Variants in IL15 observed in about 807,000 individuals in gnomAD.
IL15 encodes interleukin-15.
Under a neutral mutation model 19.6 loss-of-function variants are expected in IL15, and 11 were observed. The observed-to-expected ratio is 0.56, with a 90% CI of 0.35 to 0.93. The LOEUF is 0.93. Ranked by LOEUF, IL15 falls within the 40% of genes least tolerant of loss-of-function variation. The probability of loss-of-function intolerance (pLI) is 0.01; values close to 1 mark genes in which losing one functional copy is unlikely to be tolerated. For missense variants in IL15, 197 were observed against 186.5 expected (o/e 1.06, Z -0.33); for synonymous variants, 58 against 59.6 (o/e 0.97, Z 0.12).
At chr4:141,644,200 T>C (rs1727145880) in intron 1 of IL15, among the ~76,000 whole-genome samples, 1 of 151,836 alleles carries the variant, frequency 6.6e-6, no homozygotes, top group Non-Finnish European at 1.5e-5. Flanking sequence ...TGTCCCCTTA[T>C]CTCCACTCCA....
At chr4:141,671,536 T>C (rs1365688586) in intron 2 of IL15, among the ~76,000 whole-genome samples, 1 of 152,192 alleles carries the variant, frequency 6.6e-6, no homozygotes, top group African/African-American at 2.4e-5. Context: ...ATTTTCTCCC[T>C]GGTCTTGTTT....
chr4:141,645,838 C>A (rs1443895145), intron 1 of IL15, among the ~76,000 whole-genome samples: 1 of 152,000 alleles, frequency 6.6e-6, no homozygotes, highest in East Asian at 1.9e-4. Context: ...TGTCTGGGCT[C>A]CTTGGTTCTC....
rs1560936385 is a variant in IL15, at chr4:141,719,495, G to T, written c.12+19G>T. 1.6e-6 allele frequency: 2 copies of T among 1,267,468 alleles called. No individual in the cohort carries two copies. Among genetic ancestry groups the T allele is most frequent in the East Asian group, 4.7e-5 (2 of 42,394 alleles). 78.5% of individuals were successfully genotyped at this position (1,267,468 alleles called of 1,614,324 possible). On this transcript the variant is annotated intron_variant, in intron 3 of 7. Transcript: ENST00000320650. ...AATTTCGGTAAGAAAAAAAATAGAT[G>T]AAAATATCCTATGGAATTTCCCTTA...
chr4:141,687,332 A>G (rs772068729), intron 2 of IL15, among the ~76,000 whole-genome samples: 2 of 152,216 alleles, frequency 1.3e-5, no homozygotes, highest in African/African-American at 2.4e-5. Context: ...GGTCACAGGT[A>G]AGGTCCAAAA....
At chr4:141,724,798 T>C (rs183113170) in intron 5 of IL15, among the ~76,000 whole-genome samples, 3 of 152,220 alleles carry the variant, frequency 2.0e-5, no homozygotes, top group Non-Finnish European at 4.4e-5. Flanking sequence ...ATACATTGAA[T>C]TCATCATACA....
chr4:141,689,622 T>C (rs556878667), intron 2 of IL15, among the ~76,000 whole-genome samples: 2 of 148,070 alleles, frequency 1.4e-5, no homozygotes, highest in South Asian at 4.3e-4. Context: ...CCAGAGTAGC[T>C]AGATAGTGTC....
At chr4:141,732,056 TA>T (rs1415916847) in intron 7 of IL15, among the ~76,000 whole-genome samples, 6 of 152,124 alleles carry the variant, frequency 3.9e-5, no homozygotes, top group Non-Finnish European at 7.4e-5. Flanking sequence ...GCTTAGAGAA[TA>T]GTATTACAGT....
rs189180886 is a variant in IL15 at position 141,666,476 on chromosome 4, C to T, written c.-100+10169C>T. Among the ~76,000 whole-genome samples the T allele has an allele frequency of 1.0e-3, 152 of 152,304 alleles. 1 individual carries two copies. Among genetic ancestry groups the T allele is most frequent in the African/African-American group, 3.3e-3 (136 of 41,554 alleles). ...ACTCAGGTGATCCTCCCATCTCAAC[C>T]TCCTGAGTAGCTGGAGCTACAGGTG... On this transcript the variant is annotated intron_variant, in intron 2 of 7. Coordinates refer to ENST00000320650, the MANE Select transcript of IL15 (RefSeq NM_000585.5).
Position 141,640,780 on chromosome 4 carries a change from A to T in IL15, c.-222+4032A>T, listed in dbSNP as rs546502029. ...ACCGTATAAAAATGGATTTTTAAAA[A>T]GTCTGCATGTAATACACAGTTGTTT... is the stretch of plus-strand genomic sequence containing the variant. On this transcript the variant is annotated intron_variant, in intron 1 of 7. Transcript: ENST00000320650. Among the ~76,000 whole-genome samples the T allele has an allele frequency of 1.6e-3, 242 of 152,370 alleles. 2 individuals are homozygous for T. Among genetic ancestry groups the T allele is most frequent in the African/African-American group, 5.6e-3 (234 of 41,586 alleles).
At chr4:141,719,321 C>T (rs1729994537) in intron 2 of IL15, 45 bp from the exon 3 acceptor site, 2 of 552,564 alleles carry the variant, frequency 3.6e-6, no homozygotes, top group South Asian at 6.2e-5. Flanking sequence ...CTTTCTTTTT[C>T]TTACTAGTGC....
At chr4:141,696,123 T>G (rs1285418776) in intron 2 of IL15, among the ~76,000 whole-genome samples, 1 of 152,120 alleles carries the variant, frequency 6.6e-6, no homozygotes, top group Non-Finnish European at 1.5e-5. Flanking sequence ...ATTTGACTTT[T>G]GCATATAGTC....
intron 2 of IL15, among the ~76,000 whole-genome samples, chr4:141,709,779 T>C (rs144300255): frequency 2.1e-3 from 324 of 152,276 alleles, no homozygotes; most frequent in African/African-American, 7.4e-3. Flanking sequence ...TTTCTCAACT[T>C]TTATTTTAGG....
intron 2 of IL15, among the ~76,000 whole-genome samples, chr4:141,688,660 C>T (rs1219500339): frequency 6.6e-6 from 1 of 152,164 alleles, no homozygotes; most frequent in African/African-American, 2.4e-5. Flanking sequence ...TGGTTTTAGA[C>T]CATTGCATTA....
At chr4:141,707,550 A>G (rs900747213) in intron 2 of IL15, among the ~76,000 whole-genome samples, 2 of 152,114 alleles carry the variant, frequency 1.3e-5, no homozygotes, top group African/African-American at 4.8e-5. Flanking sequence ...TTTTTCAGGG[A>G]GAGACATTTC....
chr4:141,696,767 G>A (rs769998119), intron 2 of IL15, among the ~76,000 whole-genome samples: 13 of 152,030 alleles, frequency 8.6e-5, no homozygotes, highest in Non-Finnish European at 1.3e-4. Flanking sequence ...GATTAGTGAT[G>A]TTGAGCATTT....
In IL15 at chr4:141,659,747, G is replaced by A. The variant is rs139757390; in HGVS notation, c.-100+3440G>A. Among the ~76,000 whole-genome samples the A allele has an allele frequency of 9.8e-4, 149 of 152,306 alleles. 1 individual carries two copies. Among genetic ancestry groups the A allele is most frequent in the African/African-American group, 3.2e-3 (134 of 41,576 alleles). ...GGGAATTTTGCTTAAATGAAATCAT[G>A]CTTGAAATATGCAAGAGATTTAAAC... On this transcript the variant is annotated intron_variant, in intron 2 of 7. Coordinates refer to ENST00000320650, the MANE Select transcript of IL15 (RefSeq NM_000585.5).
intron 2 of IL15, among the ~76,000 whole-genome samples, chr4:141,674,161 T>G (rs565877401): frequency 6.6e-6 from 1 of 152,316 alleles, no homozygotes; most frequent in Admixed American, 6.5e-5. Context: ...TTGGAAATTT[T>G]GGGAAGTGGG....
At chr4:141,673,243 C>T (rs1438404841) in intron 2 of IL15, among the ~76,000 whole-genome samples, 4 of 152,218 alleles carry the variant, frequency 2.6e-5, no homozygotes, top group Non-Finnish European at 5.9e-5. Flanking sequence ...AATCAGGACT[C>T]ATAATTGTTT....
intron 2 of IL15, among the ~76,000 whole-genome samples, chr4:141,703,138 C>T (rs946856423): frequency 6.6e-6 from 1 of 152,156 alleles, no homozygotes; most frequent in Non-Finnish European, 1.5e-5. Flanking sequence ...GTCCACATAA[C>T]ATATGCACAG....
Sources: gnomAD v4.1 joint callset for allele counts (sites outside exome capture counted in the v4.1 genomes callset) on GRCh38, gnomAD v4.1.1 for gene constraint, MANE v1.5 for transcripts, NCBI Gene and HGNC (gene_info 2026-07-23, HGNC 2026-07-21) for gene names.